The following VEPH1 variants were observed in gnomAD, a reference collection of about 807,000 sequenced individuals.
The protein encoded by VEPH1 is ventricular zone-expressed PH domain-containing protein homolog 1.
In VEPH1, 80 loss-of-function variants were observed where a neutral mutation model predicts 85.2. The ratio of observed to expected loss-of-function variants is 0.94; its 90% CI spans 0.78 to 1.13. The LOEUF is 1.13. VEPH1 is among the 50% of genes most tolerant of loss of function. The probability of loss-of-function intolerance (pLI) is 0.00; values close to 1 mark genes in which losing one functional copy is unlikely to be tolerated. For synonymous variants in VEPH1, 297 were observed against 348.0 expected (o/e 0.85, Z 1.63); for missense variants, 955 against 980.5 (o/e 0.97, Z 0.35).
In VEPH1 at chr3:157,313,642, C is replaced by G. The variant is rs764719130; in HGVS notation, c.1989G>C (p.Glu663Asp). The G allele has an allele frequency of 6.2e-7, 1 of 1,614,108 alleles. No individual in the cohort carries two copies. Among genetic ancestry groups the G allele is most frequent in the Non-Finnish European group, 8.5e-7 (1 of 1,180,000 alleles). ...TTACCTTCTGCTGTGGAAACGTGGACTCCATCATGGCAGTTTCAAAGCTGT... is the reference window on the plus strand; with the variant it reads ...TTACCTTCTGCTGTGGAAACGTGGAGTCCATCATGGCAGTTTCAAAGCTGT... ...GAHSFETAMM[E>D]STFPQQKDLD... The change falls in exon 11 of 14, where the codon GAG becomes GAC. Residue 663 changes from glutamate (E) to aspartate (D), a missense_variant. Physicochemically the swap from Glu to Asp is conservative, Grantham distance 45. Transcript: ENST00000362010.
chr3:157,283,836 T>C lies in VEPH1; in HGVS notation c.2128+2721A>G, dbSNP rs568665907. 6.5e-4 allele frequency among the ~76,000 whole-genome samples: 99 copies of C among 152,372 alleles called. 1 individual carries two copies. The South Asian group carries it at 0.02, about 30-fold the overall frequency. The stretch of plus-strand genomic sequence containing the variant: ...ATTACTGTATCATTTGTCAATTCTT[T>C]TAAAAAATATCAAAAACCCAGTTTA... On this transcript the variant is annotated intron_variant, in intron 12 of 13. Transcript: ENST00000362010.
At chr3:157,389,975 A>C (rs554348410) in intron 6 of VEPH1, among the ~76,000 whole-genome samples, 1 of 152,270 alleles carries the variant, frequency 6.6e-6, no homozygotes, top group South Asian at 2.1e-4. Flanking sequence ...TTTCATTAGC[A>C]AATTACTAAT....
chr3:157,409,228 C>T (rs1731355730), intron 6 of VEPH1, among the ~76,000 whole-genome samples: 1 of 152,022 alleles, frequency 6.6e-6, no homozygotes, highest in African/African-American at 2.4e-5. Flanking sequence ...CCACTGCAAC[C>T]TTCTCATTTG....
chr3:157,442,908 A>G lies in VEPH1; in HGVS notation c.530-14420T>C, dbSNP rs753462619. On this transcript the variant is annotated intron_variant, in intron 4 of 13. Transcript: ENST00000362010. ...GACCGGAGGAGCAGAGTCTTGTCAC[A>G]TCCGGGGGAATATTGTTGGGTGGGG... 6.2e-6 allele frequency: 10 copies of G among 1,614,150 alleles called. No homozygotes were observed. In the Admixed American group the frequency reaches 1.5e-4, roughly 24 times the overall value.
intron 2 of VEPH1, among the ~76,000 whole-genome samples, chr3:157,489,782 C>T (rs1035018275): frequency 2.0e-5 from 3 of 151,442 alleles, no homozygotes; most frequent in African/African-American, 7.3e-5. Flanking sequence ...ACATAGTAGA[C>T]AACTAATAAA....
rs138064914 is a variant in VEPH1 at position 157,377,134 on chromosome 3, A to G, written c.1127+4022T>C. Among the ~76,000 whole-genome samples the G allele has an allele frequency of 6.9e-3, 1,047 of 152,260 alleles. 18 individuals carry two copies. Among genetic ancestry groups the G allele is most frequent in the African/African-American group, 0.024 (1,001 of 41,550 alleles). On this transcript the variant is annotated intron_variant, in intron 7 of 13. Coordinates refer to ENST00000362010, the MANE Select transcript of VEPH1 (RefSeq NM_001167912.2). The stretch of plus-strand genomic sequence containing the variant: ...AGGGTTTAGAGATTCCCACTGAATA[A>G]TTACAATCGATTAGAAGAAGATTGA...
At chr3:157,276,411 T>A (rs1715390716) in intron 12 of VEPH1, among the ~76,000 whole-genome samples, 1 of 152,314 alleles carries the variant, frequency 6.6e-6, no homozygotes, top group East Asian at 1.9e-4. Flanking sequence ...ACTCACTGAA[T>A]CAAAATTTTG....
chr3:157,403,143 A>G (rs769211937), intron 6 of VEPH1, among the ~76,000 whole-genome samples: 6 of 152,194 alleles, frequency 3.9e-5, no homozygotes, highest in South Asian at 2.1e-4. Flanking sequence ...ATATTTTGAG[A>G]GTACAATTGT....
chr3:157,443,319 C>T, intron 4 of VEPH1: 1 of 203,382 alleles, frequency 4.9e-6, no homozygotes, highest in Non-Finnish European at 1.0e-5. Flanking sequence ...TTTGTTTTGG[C>T]CAGAGATGAA....
intron 1 of VEPH1, among the ~76,000 whole-genome samples, chr3:157,496,931 C>G (rs375146323): frequency 3.6e-4 from 55 of 152,306 alleles, no homozygotes; most frequent in African/African-American, 1.1e-3. Flanking sequence ...ATGCCTTTAT[C>G]TATGTACCAG....
At position 157,455,487 on chromosome 3, in the gene VEPH1, T is replaced by C. The variant is rs887473302; in HGVS notation, c.529+4694A>G. The stretch of plus-strand genomic sequence containing the variant: ...GTTTTTTTATATAGGTAAACTTGTG[T>C]CATGGGGGTTTGTTGAACAGATTAT... On this transcript the variant is annotated intron_variant, in intron 4 of 13. Transcript: ENST00000362010. Among the ~76,000 whole-genome samples, 7 of 151,972 alleles carry C rather than the reference T, an allele frequency of 4.6e-5. 1 individual carries two copies. Among genetic ancestry groups the C allele is most frequent in the African/African-American group, 1.7e-4 (7 of 41,382 alleles).
intron 4 of VEPH1, among the ~76,000 whole-genome samples, chr3:157,429,233 A>G (rs1732963540): frequency 6.6e-6 from 1 of 152,214 alleles, no homozygotes; most frequent in Admixed American, 6.5e-5. Flanking sequence ...CCTCACAAGT[A>G]CTTAAATGTC....
At chr3:157,376,483 C>T (rs1349594518) in intron 7 of VEPH1, among the ~76,000 whole-genome samples, 1 of 152,192 alleles carries the variant, frequency 6.6e-6, no homozygotes, top group African/African-American at 2.4e-5. Flanking sequence ...GATCTCTTCT[C>T]CAACCTGACA....
chr3:157,463,859 A>G (rs1259403122), intron 3 of VEPH1, among the ~76,000 whole-genome samples: 1 of 152,178 alleles, frequency 6.6e-6, no homozygotes, highest in Non-Finnish European at 1.5e-5. Flanking sequence ...ATCAGGTCAG[A>G]GCAGAGAGAG....
At chr3:157,501,539 C>T (rs1740094964) in intron 1 of VEPH1, among the ~76,000 whole-genome samples, 1 of 152,184 alleles carries the variant, frequency 6.6e-6, no homozygotes, top group Admixed American at 6.5e-5. Flanking sequence ...AGGTGACGTA[C>T]ACTCAATGCC....
Position 157,470,448 on chromosome 3 carries a change from A to T in VEPH1, c.220T>A (p.Ser74Thr). 6.2e-7 allele frequency: 1 copy of T among 1,613,964 alleles called. No individual in the cohort carries two copies. The highest frequency in any genetic ancestry group is 8.5e-7 in the Non-Finnish European group (1 of 1,179,988). The change falls in exon 3 of 14, where the codon TCC becomes ACC. Residue 74 changes from serine (S) to threonine (T), a missense_variant. Transcript: ENST00000362010. The part of the protein sequence containing the change: ...RITTAIRETE[S>T]IEKHAKALVG... ...AGGGCCTTTGCATGCTTTTCAATGG[A>T]CTCGGTCTCTCTGATGGCTGTTGTG...
intron 2 of VEPH1, among the ~76,000 whole-genome samples, chr3:157,493,515 C>T (rs1739401305): frequency 6.6e-6 from 1 of 152,182 alleles, no homozygotes; most frequent in African/African-American, 2.4e-5. Flanking sequence ...AAATTACAAG[C>T]TACCATTCTT....
chr3:157,476,165 T>C (rs1327166483), intron 2 of VEPH1, among the ~76,000 whole-genome samples: 2 of 152,188 alleles, frequency 1.3e-5, no homozygotes, highest in Non-Finnish European at 2.9e-5. Flanking sequence ...CACCACTGCC[T>C]TGATGTAAAT....
chr3:157,375,269 C>T (rs1479712164), intron 7 of VEPH1, among the ~76,000 whole-genome samples: 1 of 152,126 alleles, frequency 6.6e-6, no homozygotes, highest in Non-Finnish European at 1.5e-5. Context: ...GAACTTGGCC[C>T]CCTGTTCTCT....
Sources: allele counts gnomAD v4.1 joint callset (sites outside exome capture counted in the v4.1 genomes callset), GRCh38; gene constraint gnomAD v4.1.1; transcripts MANE v1.5; gene names NCBI Gene and HGNC (gene_info 2026-07-23, HGNC 2026-07-21).